The following SPART variants were observed in gnomAD, a reference collection of about 807,000 sequenced individuals.
SPART encodes spastic paraplegia 20 (Troyer syndrome).
In SPART, 35 loss-of-function variants were observed where a neutral mutation model predicts 58.7. The observed-to-expected ratio is 0.60, with a 90% CI of 0.46 to 0.79. The LOEUF (loss-of-function observed/expected upper bound fraction) is 0.79, where lower values mean the gene tolerates loss of function less well. Ranked by LOEUF, SPART falls within the 30% of genes least tolerant of loss-of-function variation. SPART has a pLI of 0.00. For missense variants in SPART, 730 were observed against 786.1 expected (o/e 0.93, Z 0.85); for synonymous variants, 284 against 280.7 (o/e 1.01, Z -0.12).
intron 5 of SPART, among the ~76,000 whole-genome samples, chr13:36,319,664 C>G (rs1479393459): frequency 7.0e-6 from 1 of 143,836 alleles, no homozygotes; most frequent in Non-Finnish European, 1.5e-5. Context: ...GTACCTGCCT[C>G]TACAACCCAT....
At chr13:36,317,502 G>T (rs111869316) in intron 5 of SPART, among the ~76,000 whole-genome samples, 6 of 125,870 alleles carry the variant, frequency 4.8e-5, no homozygotes, top group Non-Finnish European at 9.8e-5. Context: ...CTTTATTTCC[G>T]TGCCCCGACC....
intron 6 of SPART, among the ~76,000 whole-genome samples, chr13:36,313,585 A>G (rs1881351643): frequency 6.6e-6 from 1 of 152,146 alleles, no homozygotes; most frequent in Admixed American, 6.5e-5. Context: ...GCCATTTTTT[A>G]TCTTTTATAT....
intron 5 of SPART, among the ~76,000 whole-genome samples, chr13:36,319,450 G>C (rs910353605): frequency 3.3e-5 from 5 of 151,472 alleles, no homozygotes; most frequent in African/African-American, 1.2e-4. Context: ...CCCGCAGCAT[G>C]CTTTAAAAAG....
At chr13:36,368,025 A>G (rs1028963713) in intron 1 of SPART, among the ~76,000 whole-genome samples, 2 of 152,210 alleles carry the variant, frequency 1.3e-5, no homozygotes, top group African/African-American at 4.8e-5. Context: ...TAATCAAAAA[A>G]AGGATTCAAT....
chr13:36,312,054 T>C, intron 8 of SPART, 91 bp downstream of exon 8: 1 of 1,256,890 alleles, frequency 8.0e-7, no homozygotes, highest in African/African-American at 1.5e-5. Context: ...GCCATTGCAC[T>C]CCAGCTTGGG....
At chr13:36,305,085 C>T (rs557901215) in intron 8 of SPART, among the ~76,000 whole-genome samples, 9 of 152,062 alleles carry the variant, frequency 5.9e-5, no homozygotes, top group Non-Finnish European at 1.0e-4. Flanking sequence ...TTGAGTTAAT[C>T]TTTAAACAGA....
At chr13:36,340,533 A>G (rs1246741594) in intron 1 of SPART, among the ~76,000 whole-genome samples, 2 of 152,140 alleles carry the variant, frequency 1.3e-5, no homozygotes, top group African/African-American at 4.8e-5. Context: ...CAATAGAAGA[A>G]GGAAATTATA....
intron 1 of SPART, among the ~76,000 whole-genome samples, chr13:36,361,237 A>G (rs1372596591): frequency 6.6e-6 from 1 of 152,204 alleles, no homozygotes; most frequent in Non-Finnish European, 1.5e-5. Context: ...ACTAAGCAGA[A>G]CCTCAAATAG....
intron 1 of SPART, among the ~76,000 whole-genome samples, chr13:36,359,449 T>G (rs1046288665): frequency 6.6e-6 from 1 of 152,206 alleles, no homozygotes; most frequent in Admixed American, 6.5e-5. Context: ...AGGCTAGAGA[T>G]GGCCTCTTCA....
chr13:36,328,310 T>C (rs1200193113), intron 4 of SPART, among the ~76,000 whole-genome samples: 1 of 152,222 alleles, frequency 6.6e-6, no homozygotes, highest in Non-Finnish European at 1.5e-5. Flanking sequence ...AATATAGCAA[T>C]GAACAATACT....
intron 1 of SPART, among the ~76,000 whole-genome samples, chr13:36,367,838 T>G (rs1486612741): frequency 6.6e-6 from 1 of 152,206 alleles, no homozygotes; most frequent in Non-Finnish European, 1.5e-5. Flanking sequence ...AAAATATGTC[T>G]GAGTTTTTGG....
chr13:36,334,890 A>G, intron 2 of SPART, 131 bp downstream of exon 2: 1 of 721,788 alleles, frequency 1.4e-6, no homozygotes, highest in Non-Finnish European at 2.3e-6. Context: ...AATTTCATGG[A>G]ATATATTTAA....
At chr13:36,330,739 T>C (rs1883383724) in intron 3 of SPART, among the ~76,000 whole-genome samples, 2 of 152,228 alleles carry the variant, frequency 1.3e-5, no homozygotes, top group Non-Finnish European at 2.9e-5. Context: ...GGTACGCATG[T>C]GGGCAGAGGA....
chr13:36,332,705 T>C (rs1593259422), intron 2 of SPART, among the ~76,000 whole-genome samples: 1 of 152,202 alleles, frequency 6.6e-6, no homozygotes, highest in Non-Finnish European at 1.5e-5. Context: ...TGCCAGTACA[T>C]ACACAGACAT....
At chr13:36,330,623 A>G (rs1458602897) in intron 3 of SPART, among the ~76,000 whole-genome samples, 1 of 152,190 alleles carries the variant, frequency 6.6e-6, no homozygotes, top group African/African-American at 2.4e-5. Context: ...GTCAATATTC[A>G]TAATCAAAAA....
In SPART at chr13:36,321,214, G is replaced by A. The variant is rs559363731; in HGVS notation, c.1288+5361C>T. Among the ~76,000 whole-genome samples, 111 of 152,206 alleles carry A rather than the reference G, an allele frequency of 7.3e-4. 2 individuals carry two copies. The East Asian group carries it at 0.019, about 26-fold the overall frequency. On this transcript the variant is annotated intron_variant, in intron 5 of 8. Transcript: ENST00000438666. ...CTGTCTACTCATACTCCTATTCACC[G>A]TTCTCAACTACTCATACATGCCCTG...
chr13:36,334,809 C>T (rs1003481062), intron 2 of SPART, among the ~76,000 whole-genome samples: 1 of 151,930 alleles, frequency 6.6e-6, no homozygotes, highest in South Asian at 2.1e-4. Context: ...AAACTTAATA[C>T]CAAAATAAAA....
chr13:36,322,437 ACT>A, intron 5 of SPART, among the ~76,000 whole-genome samples: 1 of 152,200 alleles, frequency 6.6e-6, no homozygotes, highest in African/African-American at 2.4e-5. Context: ...ACAGAGCGAG[ACT>A]CTGTCTCAAA....
chr13:36,361,234 A>G (rs1173555793), intron 1 of SPART, among the ~76,000 whole-genome samples: 2 of 152,242 alleles, frequency 1.3e-5, no homozygotes, highest in Non-Finnish European at 1.5e-5. Context: ...TAAACTAAGC[A>G]GAACCTCAAA....
Sources: gnomAD v4.1 joint callset for allele counts (sites outside exome capture counted in the v4.1 genomes callset) on GRCh38, gnomAD v4.1.1 for gene constraint, MANE v1.5 for transcripts, NCBI Gene and HGNC (gene_info 2026-07-23, HGNC 2026-07-21) for gene names.